The following CNBD1 variants were observed in gnomAD, a reference collection of about 807,000 sequenced individuals.
CNBD1 encodes cyclic nucleotide-binding domain-containing protein 1.
CNBD1 carries 71 observed loss-of-function variants against 54.4 expected under a neutral mutation model. That is an observed-to-expected ratio of 1.30 (90% CI 1.08 to 1.59). CNBD1 has a LOEUF of 1.59. Ranked by LOEUF, CNBD1 falls within the 40% of genes most tolerant of loss-of-function variation. CNBD1 has a pLI of 0.00. For missense variants in CNBD1, 659 were observed against 518.0 expected (o/e 1.27, Z -2.64); for synonymous variants, 182 against 170.7 (o/e 1.07, Z -0.51).
At chr8:87,267,532 A>G (rs66488168) in intron 6 of CNBD1, among the ~76,000 whole-genome samples, 42,770 of 152,036 alleles carry the variant, frequency 0.28, 6,465 homozygotes, top group African/African-American at 0.39. Context: ...CCATAGTCAT[A>G]TATTTTAGAG....
chr8:87,061,782 C>A (rs376517843), intron 4 of CNBD1, among the ~76,000 whole-genome samples: 12 of 152,204 alleles, frequency 7.9e-5, no homozygotes, highest in African/African-American at 2.9e-4. Context: ...TGTAGAGGCA[C>A]GTTTTTCCCC....
chr8:87,071,481 AG>A (rs1339983106), intron 4 of CNBD1, among the ~76,000 whole-genome samples: 3 of 152,176 alleles, frequency 2.0e-5, no homozygotes, highest in African/African-American at 7.2e-5. Flanking sequence ...TTCTAAAAGT[AG>A]GGAGAATTAG....
chr8:87,361,263 A>T (rs964835876), intron 10 of CNBD1, among the ~76,000 whole-genome samples: 1 of 151,988 alleles, frequency 6.6e-6, no homozygotes, highest in Non-Finnish European at 1.5e-5. Context: ...TAAAAATGTA[A>T]GTTACAAAGT....
chr8:86,871,782 C>A (rs1291689443), intron 1 of CNBD1, among the ~76,000 whole-genome samples: 3 of 152,188 alleles, frequency 2.0e-5, no homozygotes, highest in African/African-American at 7.2e-5. Context: ...TCCCCAGATG[C>A]CTAGGCTGCA....
chr8:87,239,222 A>C (rs1807640874), intron 6 of CNBD1, among the ~76,000 whole-genome samples: 1 of 152,168 alleles, frequency 6.6e-6, no homozygotes, highest in African/African-American at 2.4e-5. Context: ...GTTGTTGTTT[A>C]AGTTTGCAGA....
chr8:86,978,096 CA>C (rs1808382887), intron 4 of CNBD1, among the ~76,000 whole-genome samples: 1 of 152,104 alleles, frequency 6.6e-6, no homozygotes, highest in African/African-American at 2.4e-5. Flanking sequence ...TGTCTACTTT[CA>C]AAAGATTGGA....
intron 6 of CNBD1, among the ~76,000 whole-genome samples, chr8:87,271,208 C>G (rs1045141591): frequency 1.3e-5 from 2 of 151,480 alleles, no homozygotes; most frequent in Non-Finnish European, 1.5e-5. Context: ...TTTATCTTTT[C>G]AAAAAACCAC....
intron 7 of CNBD1, among the ~76,000 whole-genome samples, chr8:87,285,019 ATAT>A (rs1213245210): frequency 6.6e-6 from 1 of 152,102 alleles, no homozygotes; most frequent in South Asian, 2.1e-4. Flanking sequence ...CTCAATGAAT[ATAT>A]TTCAGGTAAT....
intron 2 of CNBD1, among the ~76,000 whole-genome samples, chr8:87,400,518 C>G (rs902253185): frequency 6.6e-6 from 1 of 151,906 alleles, no homozygotes; most frequent in African/African-American, 2.4e-5. Flanking sequence ...GTGTGTTGAT[C>G]AATTCTAATG....
chr8:87,260,312 A>G (rs1161013568), intron 6 of CNBD1, among the ~76,000 whole-genome samples: 1 of 152,184 alleles, frequency 6.6e-6, no homozygotes, highest in Non-Finnish European at 1.5e-5. Flanking sequence ...AACAAGATGG[A>G]GACCTCATCA....
At chr8:87,334,718 TC>T (rs1286999708) in intron 8 of CNBD1, among the ~76,000 whole-genome samples, 1 of 135,542 alleles carries the variant, frequency 7.4e-6, no homozygotes, top group Non-Finnish European at 1.6e-5. Flanking sequence ...TTTTCTTTTT[TC>T]TTTTCTTTTT....
At chr8:87,073,075 C>T (rs927253027) in intron 4 of CNBD1, among the ~76,000 whole-genome samples, 1 of 151,528 alleles carries the variant, frequency 6.6e-6, no homozygotes, top group Non-Finnish European at 1.5e-5. Flanking sequence ...TCTTCAAGTT[C>T]TGCGATTCCT....
intron 4 of CNBD1, among the ~76,000 whole-genome samples, chr8:86,991,074 G>A (rs1041161457): frequency 6.6e-6 from 1 of 152,024 alleles, no homozygotes; most frequent in Non-Finnish European, 1.5e-5. Flanking sequence ...GATAATTTGG[G>A]TGGTGGTAGT....
chr8:87,249,573 G>A (rs552881229), intron 6 of CNBD1, among the ~76,000 whole-genome samples: 15 of 152,162 alleles, frequency 9.9e-5, no homozygotes, highest in African/African-American at 3.4e-4. Context: ...TCTTTCAACC[G>A]CAAATTGATA....
chr8:86,877,832 C>G (rs1808546434), intron 1 of CNBD1, among the ~76,000 whole-genome samples: 2 of 152,048 alleles, frequency 1.3e-5, no homozygotes, highest in African/African-American at 4.8e-5. Context: ...CATATAGTAT[C>G]TGCTCCCTAT....
intron 6 of CNBD1, among the ~76,000 whole-genome samples, chr8:87,248,479 T>G (rs1163678342): frequency 6.6e-6 from 1 of 152,220 alleles, no homozygotes; most frequent in East Asian, 1.9e-4. Flanking sequence ...CAATAATTGC[T>G]TCTATTCTTT....
At chr8:87,343,028 C>T (rs1810099191) in intron 8 of CNBD1, among the ~76,000 whole-genome samples, 1 of 152,100 alleles carries the variant, frequency 6.6e-6, no homozygotes, top group African/African-American at 2.4e-5. Flanking sequence ...CCAGAGCTGC[C>T]ATCTATAGAC....
At chr8:87,243,947 A>G (rs1449832392) in intron 6 of CNBD1, among the ~76,000 whole-genome samples, 1 of 152,154 alleles carries the variant, frequency 6.6e-6, no homozygotes, top group Admixed American at 6.5e-5. Context: ...TAATTAAAAA[A>G]AATTTTGTAT....
chr8:87,082,347 A>AT (rs35875762), intron 4 of CNBD1, among the ~76,000 whole-genome samples: 2 of 152,028 alleles, frequency 1.3e-5, no homozygotes, highest in African/African-American at 2.4e-5. Flanking sequence ...TTTGCTGACT[A>AT]TTTTTTTGGA....
Sources: allele counts gnomAD v4.1 joint callset (sites outside exome capture counted in the v4.1 genomes callset), GRCh38; gene constraint gnomAD v4.1.1; transcripts MANE v1.5; gene names NCBI Gene and HGNC (gene_info 2026-07-23, HGNC 2026-07-21).